AMMECR1L: variants seen among roughly 807,000 people sequenced by gnomAD.
The protein encoded by AMMECR1L is AMMECR1-like protein.
A neutral mutation model predicts 36.8 loss-of-function variants in AMMECR1L; 4 were observed. That is an observed-to-expected ratio of 0.11 (90% CI 0.05 to 0.25). The LOEUF (loss-of-function observed/expected upper bound fraction) is 0.25, where lower values mean the gene tolerates loss of function less well. Ranked by LOEUF, AMMECR1L falls within the 10% of genes least tolerant of loss-of-function variation. AMMECR1L has a pLI of 1.00. For missense variants in AMMECR1L, 232 were observed against 392.1 expected, an observed-to-expected ratio of 0.59 and a Z score of 3.45; for synonymous variants, 147 against 148.0, an observed-to-expected ratio of 0.99 and a Z score of 0.05.
rs1016023896 is a variant in AMMECR1L at position 127,885,933 on chromosome 2, C to T, written c.-272G>A. ...CGAGAGAAGCTGGCCTGCGGGCGGG[C>T]CGGACGCGCTGCGCGGACGGGGCGG... On this transcript the variant is annotated 5_prime_UTR_variant, in exon 1 of 8. Transcript: ENST00000272647. The T allele has an allele frequency of 1.9e-5, 19 of 989,588 alleles. No individual in the cohort carries two copies. Among genetic ancestry groups the T allele is most frequent in the Non-Finnish European group, 2.3e-5 (19 of 833,174 alleles). 61.3% of individuals were successfully genotyped at this position (989,588 alleles called of 1,614,324 possible).
At chr2:127,870,957 G>C (rs747627848) in intron 4 of AMMECR1L, 29 bp from the exon 5 acceptor site, 2 of 1,564,908 alleles carry the variant, frequency 1.3e-6, no homozygotes, top group East Asian at 4.5e-5. Context: ...CATAGGTAAG[G>C]CTGCTCTGGA....
chr2:127,873,687 G>A lies in AMMECR1L; in HGVS notation c.407+141C>T. 1 of 1,553,902 alleles carries A rather than the reference G, an allele frequency of 6.4e-7. No individual in the cohort carries two copies. Among genetic ancestry groups the A allele is most frequent in the Non-Finnish European group, 8.6e-7 (1 of 1,162,420 alleles). ...CACTGAATGTTTTAAATATTCTCTG[G>A]ACATTTCTTATCATTCTCTTCCCAT... is the stretch of plus-strand genomic sequence containing the variant. On this transcript the variant is annotated intron_variant, in intron 3 of 7. Transcript: ENST00000272647. The surrounding 1 kb of genome is among the most constrained non-coding windows in gnomAD (Gnocchi z 5.2).
chr2:127,864,323 G>C lies in AMMECR1L; in HGVS notation c.*771C>G, dbSNP rs1690588462. 6.5e-6 allele frequency: 1 copy of C among 152,690 alleles called. No individual in the cohort carries two copies. Among genetic ancestry groups the C allele is most frequent in the Non-Finnish European group, 1.5e-5 (1 of 68,062 alleles). The allele number at this position is 152,690 out of a possible 1,614,324, so 9.5% of individuals were successfully genotyped here. A position where few individuals can be genotyped will look rare whatever the true frequency, so the allele number is the denominator to read the frequency against. The stretch of plus-strand genomic sequence containing the variant: ...GTGATGACATCAGGACCTCCTGTGG[G>C]CATCTCCATTCCATTCCATTCCTCA... On this transcript the variant is annotated 3_prime_UTR_variant, in exon 8 of 8. Coordinates refer to ENST00000272647, the MANE Select transcript of AMMECR1L (RefSeq NM_001199140.2).
In AMMECR1L at chr2:127,865,119, G is replaced by A. The variant is rs1323947973; in HGVS notation, c.908C>T (p.Pro303Leu). ...HCFQNGTLHAPPLYNHYS is the reference protein window; with the variant it reads ...HCFQNGTLHALPLYNHYS ...TCAGGAGTAATGATTGTAGAGGGGC[G>A]GGGCATGAAGAGTGCCGTTCTGGAA... is the stretch of plus-strand genomic sequence containing the variant. Residue 303 changes from proline to leucine, a missense_variant, in exon 8 of 8, where the codon CCG becomes CTG. Physicochemically the swap from Pro to Leu is moderately conservative, Grantham distance 98. This residue lies in a region of AMMECR1L where 40 missense variants were observed against 34.5 expected (regional missense o/e 1.16). Transcript: ENST00000272647. The surrounding 1 kb of genome is among the most constrained non-coding windows in gnomAD (Gnocchi z 5.4). 3 of 1,613,384 alleles carry A rather than the reference G, an allele frequency of 1.9e-6. No homozygotes were observed. Among genetic ancestry groups the A allele is most frequent in the African/African-American group, 1.3e-5 (1 of 74,870 alleles).
intron 2 of AMMECR1L, among the ~76,000 whole-genome samples, chr2:127,882,278 C>T (rs13395086): frequency 1.2e-3 from 176 of 152,238 alleles, no homozygotes; most frequent in African/African-American, 3.8e-3. Flanking sequence ...TCTGCATTTT[C>T]TTCTGTTATC....
chr2:127,861,794 G>C lies in AMMECR1L; in HGVS notation c.*3300C>G, dbSNP rs1049982988. On this transcript the variant is annotated 3_prime_UTR_variant, in exon 8 of 8. Transcript: ENST00000272647. ...TCTCTTGCTTCAGGGAAGTAAGAAC[G>C]AAATGAACAAAAAGAACACATAGCT... 1 of 152,166 alleles carries C rather than the reference G, an allele frequency of 6.6e-6. No homozygotes were observed. Among genetic ancestry groups the C allele is most frequent in the African/African-American group, 2.4e-5 (1 of 41,436 alleles). The allele number at this position is 152,166 out of a possible 1,614,324, so 9.4% of individuals were successfully genotyped here.
At chr2:127,881,522 C>G (rs1254134473) in intron 2 of AMMECR1L, among the ~76,000 whole-genome samples, 1 of 152,130 alleles carries the variant, frequency 6.6e-6, no homozygotes, top group Non-Finnish European at 1.5e-5. Flanking sequence ...GATCCCAAGT[C>G]TGACTTGCCA....
Position 127,871,485 on chromosome 2 carries a change from C to A in AMMECR1L, c.408-126G>T. The stretch of plus-strand genomic sequence containing the variant: ...AAATCCCTGTTTTTGGACTTGCCAG[C>A]TACCCGAAGGACTCTCTGCCTTTCT... On this transcript the variant is annotated intron_variant, in intron 3 of 7. Coordinates refer to ENST00000272647, the MANE Select transcript of AMMECR1L (RefSeq NM_001199140.2). The surrounding 1 kb of genome is among the most constrained non-coding windows in gnomAD (Gnocchi z 4.3). The A allele has an allele frequency of 1.1e-6, 1 of 921,328 alleles. No homozygotes were observed. The highest frequency in any genetic ancestry group is 1.6e-6 in the Non-Finnish European group (1 of 606,694). 57.1% of individuals were successfully genotyped at this position (921,328 alleles called of 1,614,324 possible).
intron 2 of AMMECR1L, among the ~76,000 whole-genome samples, chr2:127,876,247 G>C (rs550480026): frequency 8.6e-5 from 13 of 151,902 alleles, no homozygotes; most frequent in African/African-American, 3.1e-4. Context: ...CTACTTGGGA[G>C]GCTAAGGAGC....
In AMMECR1L at chr2:127,864,973, C is replaced by A; in HGVS notation, c.*121G>T. On this transcript the variant is annotated 3_prime_UTR_variant, in exon 8 of 8. Transcript: ENST00000272647. The stretch of plus-strand genomic sequence containing the variant: ...CGGGAGGCAGACTTGGCAACGGAAG[C>A]TAGCATCATAAAATGGTGCAGTAAT... 1 of 699,330 alleles carries A rather than the reference C, an allele frequency of 1.4e-6. No homozygotes were observed. Among genetic ancestry groups the A allele is most frequent in the Non-Finnish European group, 2.4e-6 (1 of 413,526 alleles). The allele number at this position is 699,330 out of a possible 1,614,324, so 43.3% of individuals were successfully genotyped here. A position where few individuals can be genotyped will look rare whatever the true frequency, so the allele number is the denominator to read the frequency against.
Position 127,866,947 on chromosome 2 carries a change from A to T in AMMECR1L, c.774T>A (p.Phe258Leu). 1 of 1,614,250 alleles carries T rather than the reference A, an allele frequency of 6.2e-7. No individual in the cohort carries two copies. Among genetic ancestry groups the T allele is most frequent in the South Asian group, 1.1e-5 (1 of 91,092 alleles). ...TIDSLLRKGG[F>L]KAPITSEFRK... ...TGAATTCACTGGTAATTGGAGCTTT[A>T]AAGCCACCTTTCCTGAGCAAGGAGT... Residue 258 changes from phenylalanine to leucine, a missense_variant, in exon 7 of 8, where the codon TTT becomes TTA. Physicochemically the swap from Phe to Leu is conservative, Grantham distance 22. Around this residue, in one of 3 missense-constraint regions of AMMECR1L, gnomAD observed 83 missense variants for 229.5 expected, o/e 0.36. Coordinates refer to ENST00000272647, the MANE Select transcript of AMMECR1L (RefSeq NM_001199140.2).
At chr2:127,883,810 T>C (rs777928466) in intron 2 of AMMECR1L, among the ~76,000 whole-genome samples, 1 of 152,192 alleles carries the variant, frequency 6.6e-6, no homozygotes, top group Non-Finnish European at 1.5e-5. Flanking sequence ...ACTGAAACTA[T>C]AGAAAAGAGA....
chr2:127,879,381 C>T (rs1281555174), intron 2 of AMMECR1L, among the ~76,000 whole-genome samples: 2 of 152,192 alleles, frequency 1.3e-5, no homozygotes, highest in African/African-American at 4.8e-5. Context: ...CTCTCTCCTG[C>T]TCCTGCATTT....
In AMMECR1L at chr2:127,873,800, C is replaced by T; in HGVS notation, c.407+28G>A. The T allele has an allele frequency of 6.2e-7, 1 of 1,613,096 alleles. No individual in the cohort carries two copies. The highest frequency in any genetic ancestry group is 8.5e-7 in the Non-Finnish European group (1 of 1,179,924). The stretch of plus-strand genomic sequence containing the variant: ...CAGAAAGATGTCACCATGCCTTCCT[C>T]AGTGCCCCCAGCACATGATTTACTC... On this transcript the variant is annotated intron_variant, in intron 3 of 7. Coordinates refer to ENST00000272647, the MANE Select transcript of AMMECR1L (RefSeq NM_001199140.2). The surrounding 1 kb of genome is among the most constrained non-coding windows in gnomAD (Gnocchi z 5.2).
intron 2 of AMMECR1L, 128 bp downstream of exon 2, chr2:127,884,075 T>C (rs1307992024): frequency 6.6e-6 from 1 of 152,204 alleles, no homozygotes; most frequent in African/African-American, 2.4e-5. Flanking sequence ...TTCATCAACA[T>C]TAGGACCCCC....
intron 2 of AMMECR1L, among the ~76,000 whole-genome samples, chr2:127,879,438 A>G (rs1361796045): frequency 6.6e-6 from 1 of 151,330 alleles, no homozygotes; most frequent in African/African-American, 2.4e-5. Flanking sequence ...CATGAGTAAA[A>G]CCTCCAAGGC....
In AMMECR1L at chr2:127,865,634, C is replaced by T. The variant is rs1294116219; in HGVS notation, c.822-429G>A. ...ATTTGACAGAAATGCAACCTCAATT[C>T]GCGTAAGAGCAACAAACAAGTTATT... On this transcript the variant is annotated intron_variant, in intron 7 of 7. Transcript: ENST00000272647. This position sits in a 1 kb window ranked among gnomAD's most constrained non-coding sequence, Gnocchi z 5.4. 1.3e-5 allele frequency among the ~76,000 whole-genome samples: 2 copies of T among 152,210 alleles called. No homozygotes were observed. The highest frequency in any genetic ancestry group is 2.9e-5 in the Non-Finnish European group (2 of 68,036).
chr2:127,883,392 G>A (rs1691608633), intron 2 of AMMECR1L, among the ~76,000 whole-genome samples: 1 of 152,254 alleles, frequency 6.6e-6, no homozygotes, highest in Admixed American at 6.5e-5. Context: ...ACTGCGCCTG[G>A]CCAGAACTAT....
rs534834893 is a variant in AMMECR1L, at chr2:127,874,445, G to T, written c.-38-173C>A. Among the ~76,000 whole-genome samples, 2 of 152,152 alleles carry T rather than the reference G, an allele frequency of 1.3e-5. No individual in the cohort carries two copies. The highest frequency in any genetic ancestry group is 2.9e-5 in the Non-Finnish European group (2 of 68,022). Reference sequence around the variant, plus strand: ...AAACCCCTAACCTTTTCCTAAAAGAGAATTTTTATTTTCCATAAAATTTCC... The same window carrying T: ...AAACCCCTAACCTTTTCCTAAAAGATAATTTTTATTTTCCATAAAATTTCC... On this transcript the variant is annotated intron_variant, in intron 2 of 7. Coordinates refer to ENST00000272647, the MANE Select transcript of AMMECR1L (RefSeq NM_001199140.2). The surrounding 1 kb of genome is among the most constrained non-coding windows in gnomAD (Gnocchi z 5.2).
Sources: gnomAD v4.1 joint callset for allele counts (sites outside exome capture counted in the v4.1 genomes callset) on GRCh38, gnomAD v4.1.1 for gene constraint, gnomAD v4.1.1 regional missense constraint, Gnocchi (gnomAD v3.1) non-coding constraint, MANE v1.5 for transcripts, NCBI Gene and HGNC (gene_info 2026-07-23, HGNC 2026-07-21) for gene names.